HECTD4: variants seen among roughly 807,000 people sequenced by gnomAD.
HECTD4 encodes the protein HECT domain E3 ubiquitin protein ligase 4.
HECTD4 carries 114 observed loss-of-function variants against 471.5 expected under a neutral mutation model. That is an observed-to-expected ratio of 0.24 (90% CI 0.21 to 0.28). The LOEUF (loss-of-function observed/expected upper bound fraction) is 0.28. Among genes scored for constraint, HECTD4 ranks in the 10% least tolerant of loss-of-function variants. The pLI, the probability that HECTD4 is intolerant of heterozygous loss-of-function variation, is 1.00. For synonymous variants in HECTD4, 2,012 were observed against 2,256.0 expected (o/e 0.89, Z 3.07); for missense variants, 3,866 against 5,651.5 (o/e 0.68, Z 10.13).
chr12:112,168,856 A>G (rs927938879), intron 70 of HECTD4, among the ~76,000 whole-genome samples: 3 of 152,212 alleles, frequency 2.0e-5, no homozygotes, highest in Admixed American at 2.0e-4. Context: ...TCAGTGAACC[A>G]GAGTTGCTCT....
chr12:112,263,702 GA>G (rs1225264397), intron 17 of HECTD4, among the ~76,000 whole-genome samples: 3 of 135,732 alleles, frequency 2.2e-5, no homozygotes, highest in African/African-American at 8.6e-5. Flanking sequence ...ATGCTCCCAA[GA>G]TTTTTATATA....
At chr12:112,249,405 T>TA (rs1001999400) in intron 25 of HECTD4, among the ~76,000 whole-genome samples, 1 of 151,954 alleles carries the variant, frequency 6.6e-6, no homozygotes, top group Non-Finnish European at 1.5e-5. Context: ...CATTTTGAGT[T>TA]AGAGACATAT....
At position 112,193,260 on chromosome 12, in the gene HECTD4, C is replaced by T; in HGVS notation, c.8956-69G>A. On this transcript the variant is annotated intron_variant, in intron 57 of 75. Coordinates refer to ENST00000682272, the MANE Select transcript of HECTD4 (RefSeq NM_001388303.1). The surrounding 1 kb of genome is among the most constrained non-coding windows in gnomAD (Gnocchi z 5.2). ...GGGACAGCATTTCATCTTCTCATCT[C>T]ACATGGCCCAGGAAATCAGCCAAAC... 6.4e-7 allele frequency: 1 copy of T among 1,570,032 alleles called. No individual in the cohort carries two copies. Among genetic ancestry groups the T allele is most frequent in the Non-Finnish European group, 8.7e-7 (1 of 1,153,484 alleles).
intron 28 of HECTD4, 34 bp downstream of exon 28, chr12:112,247,428 G>T: frequency 2.9e-6 from 3 of 1,048,980 alleles, no homozygotes; most frequent in South Asian, 1.6e-5. Flanking sequence ...GCATCAAGGT[G>T]ATAATAGCCT....
At chr12:112,354,780 A>G (rs7956154) in intron 1 of HECTD4, among the ~76,000 whole-genome samples, 7 of 151,958 alleles carry the variant, frequency 4.6e-5, no homozygotes, top group African/African-American at 1.7e-4. Context: ...GTCACCACCA[A>G]AAAATTATAT....
chr12:112,353,430 AC>A (rs1459619758), intron 1 of HECTD4, among the ~76,000 whole-genome samples: 1 of 152,258 alleles, frequency 6.6e-6, no homozygotes, highest in Non-Finnish European at 1.5e-5. Flanking sequence ...TTATAGAAGA[AC>A]ATATATTACT....
At chr12:112,268,566 G>T (rs2034332687) in intron 13 of HECTD4, among the ~76,000 whole-genome samples, 1 of 152,026 alleles carries the variant, frequency 6.6e-6, no homozygotes. Flanking sequence ...GACCAGCCTG[G>T]CCAACGTGGT....
intron 32 of HECTD4, among the ~76,000 whole-genome samples, chr12:112,242,677 G>GAGGCAGGC (rs1404376348): frequency 8.6e-5 from 13 of 151,202 alleles, no homozygotes; most frequent in Non-Finnish European, 1.5e-4. Context: ...TGGGGGGGCC[G>GAGGCAGGC]AGGCAGGCAG....
chr12:112,234,771 C>T (rs139817614), intron 37 of HECTD4, among the ~76,000 whole-genome samples: 146 of 152,344 alleles, frequency 9.6e-4, no homozygotes, highest in African/African-American at 3.1e-3. Context: ...GCCCAAGTCA[C>T]ACTGGAGGCT....
intron 59 of HECTD4, among the ~76,000 whole-genome samples, chr12:112,191,968 T>A (rs2032094705): frequency 6.6e-6 from 1 of 152,138 alleles, no homozygotes; most frequent in Non-Finnish European, 1.5e-5. Context: ...GTGATGAGGA[T>A]TTCCTTTCTT....
intron 1 of HECTD4, among the ~76,000 whole-genome samples, chr12:112,350,971 T>C (rs565089136): frequency 1.8e-4 from 28 of 152,300 alleles, no homozygotes; most frequent in Admixed American, 4.6e-4. Context: ...CTTAATTCCA[T>C]GTCAGAAATC....
chr12:112,273,872 A>G, intron 10 of HECTD4, 77 bp from the exon 11 acceptor site: 1 of 1,528,976 alleles, frequency 6.5e-7, no homozygotes, highest in Non-Finnish European at 8.9e-7. Flanking sequence ...GCACTGCTAC[A>G]AAGTGGAAGG....
intron 32 of HECTD4, among the ~76,000 whole-genome samples, chr12:112,241,048 C>T (rs1193268139): frequency 6.6e-6 from 1 of 152,150 alleles, no homozygotes; most frequent in Non-Finnish European, 1.5e-5. Context: ...AAGCATATAG[C>T]TACAGAACCA....
At chr12:112,302,548 A>G in intron 7 of HECTD4, 1 of 711,522 alleles carries the variant, frequency 1.4e-6, no homozygotes, top group Non-Finnish European at 2.6e-6. Flanking sequence ...GTCCTGTCCA[A>G]TACCAAAATT....
chr12:112,267,484 C>T (rs563233038), intron 13 of HECTD4: 1 of 155,116 alleles, frequency 6.4e-6, no homozygotes, highest in South Asian at 2.0e-4. Context: ...GCTACTGCAC[C>T]TGGCCTAAAA....
At chr12:112,348,122 A>T (rs564783252) in intron 1 of HECTD4, among the ~76,000 whole-genome samples, 5 of 152,336 alleles carry the variant, frequency 3.3e-5, no homozygotes, top group African/African-American at 4.8e-5. Flanking sequence ...AACTTAAAAA[A>T]TTTTTAAATT....
intron 7 of HECTD4, chr12:112,302,037 T>G (rs770397733): frequency 1.6e-5 from 19 of 1,215,272 alleles, no homozygotes; most frequent in Admixed American, 3.4e-5. Context: ...AAAGCGCCTT[T>G]GTCTTCCAAG....
rs745792647 is a variant in HECTD4, at chr12:112,192,700, C to T, written c.9152G>A (p.Arg3051Gln). 6.9e-6 allele frequency: 11 copies of T among 1,601,120 alleles called. No individual in the cohort carries two copies. The highest frequency in any genetic ancestry group is 2.3e-5 in the East Asian group (1 of 44,400). Reference protein sequence around the residue: ...LVYGLGHKVKRNGQLNLIEAA... With the variant: ...LVYGLGHKVKQNGQLNLIEAA... ...CTCGATGAGGTTCAGCTGGCCATTT[C>T]GCTTCACTTTGTGGCCGAGGCCATA... is the stretch of plus-strand genomic sequence containing the variant. Residue 3051 changes from arginine (R) to glutamine (Q), a missense_variant, in exon 59 of 76, where the codon CGA becomes CAA. Transcript: ENST00000682272.
intron 44 of HECTD4, among the ~76,000 whole-genome samples, chr12:112,222,204 A>G: frequency 6.6e-6 from 1 of 152,124 alleles, no homozygotes; most frequent in East Asian, 1.9e-4. Flanking sequence ...TACAGGCGTG[A>G]GCCATTGCAC....
Sources: gnomAD v4.1 joint callset for allele counts (sites outside exome capture counted in the v4.1 genomes callset) on GRCh38, gnomAD v4.1.1 for gene constraint, Gnocchi (gnomAD v3.1) non-coding constraint, MANE v1.5 for transcripts, NCBI Gene and HGNC (gene_info 2026-07-23, HGNC 2026-07-21) for gene names.